The following BZW2 variants were observed in gnomAD, a reference collection of about 807,000 sequenced individuals.
The protein encoded by BZW2 is eIF5-mimic protein 1.
BZW2 carries 23 observed loss-of-function variants against 53.2 expected under a neutral mutation model. That is an observed-to-expected ratio of 0.43 (90% CI 0.31 to 0.61). The LOEUF is 0.61. BZW2 is among the 20% of genes least tolerant of loss of function. The pLI is 0.09. For synonymous variants in BZW2, 227 were observed against 186.4 expected (o/e 1.22, Z -1.77); for missense variants, 409 against 503.1 (o/e 0.81, Z 1.79).
In BZW2 at chr7:16,650,805, A is replaced by C. The variant is rs532885439; in HGVS notation, c.-8+4517A>C. On this transcript the variant is annotated intron_variant, in intron 1 of 11. Transcript: ENST00000258761. ...GTATCTTTTGGGCAGTTAGGTGCCGAGTGGAATGATTTGCCCCGTTCTAAA... is the reference window on the plus strand; with the variant it reads ...GTATCTTTTGGGCAGTTAGGTGCCGCGTGGAATGATTTGCCCCGTTCTAAA... Among the ~76,000 whole-genome samples, 42 of 152,280 alleles carry C rather than the reference A, an allele frequency of 2.8e-4. No individual in the cohort carries two copies. The South Asian group carries it at 4.4e-3, about 16-fold the overall frequency.
At chr7:16,695,450 G>T (rs1163992180) in intron 8 of BZW2, among the ~76,000 whole-genome samples, 1 of 152,098 alleles carries the variant, frequency 6.6e-6, no homozygotes, top group Non-Finnish European at 1.5e-5. Context: ...TTTGAAAAAA[G>T]TTTGAATTCC....
At chr7:16,702,532 A>G (rs149150419) in intron 10 of BZW2, among the ~76,000 whole-genome samples, 279 of 152,290 alleles carry the variant, frequency 1.8e-3, no homozygotes, top group Admixed American at 5.3e-3. Context: ...TAAACAATGC[A>G]TTTGATAGGT....
chr7:16,678,174 A>T (rs1181386244), intron 3 of BZW2, among the ~76,000 whole-genome samples: 1 of 145,332 alleles, frequency 6.9e-6, no homozygotes, highest in African/African-American at 2.6e-5. Flanking sequence ...GAATCAGGCA[A>T]TTATCTCGAG....
chr7:16,659,958 G>A lies in BZW2; in HGVS notation c.-7-5479G>A, dbSNP rs535762702. Among the ~76,000 whole-genome samples the A allele has an allele frequency of 7.2e-5, 11 of 151,764 alleles. No individual in the cohort carries two copies. In the East Asian group the frequency reaches 1.9e-3, roughly 27 times the overall value. On this transcript the variant is annotated intron_variant, in intron 1 of 11. Coordinates refer to ENST00000258761, the MANE Select transcript of BZW2 (RefSeq NM_014038.3). ...GTTGGTGTGCTGCACCCATTAACTC[G>A]TCATTAACATTAGGTATATCTCCCA...
chr7:16,686,054 T>C lies in BZW2; in HGVS notation c.541+14T>C, dbSNP rs202031774. 20 of 1,611,714 alleles carry C rather than the reference T, an allele frequency of 1.2e-5. No homozygotes were observed. In the African/African-American group the frequency reaches 2.5e-4, roughly 20 times the overall value. On this transcript the variant is annotated intron_variant, in intron 6 of 11. Coordinates refer to ENST00000258761, the MANE Select transcript of BZW2 (RefSeq NM_014038.3). ...TAGTCAAAGAAGGTAACGAGGCTCCTGTTTTCTCGCCTGTCAGACAACAAA... is the reference window on the plus strand; with the variant it reads ...TAGTCAAAGAAGGTAACGAGGCTCCCGTTTTCTCGCCTGTCAGACAACAAA...
intron 10 of BZW2, among the ~76,000 whole-genome samples, chr7:16,701,808 G>T (rs1260105949): frequency 6.6e-6 from 1 of 152,140 alleles, no homozygotes; most frequent in Non-Finnish European, 1.5e-5. Flanking sequence ...TATAGTCCCT[G>T]ACTTCCTGAA....
intron 1 of BZW2, among the ~76,000 whole-genome samples, chr7:16,658,869 C>T (rs974001982): frequency 3.4e-5 from 5 of 148,820 alleles, no homozygotes; most frequent in East Asian, 2.0e-4. Context: ...AGCAAGAATC[C>T]GTCTCAGAAA....
intron 6 of BZW2, chr7:16,686,869 G>A (rs1327384616): frequency 1.3e-5 from 2 of 152,066 alleles, no homozygotes; most frequent in Non-Finnish European, 2.9e-5. Context: ...CTAGTTTTTA[G>A]CTTAAAATCA....
chr7:16,663,973 G>A (rs10254919), intron 1 of BZW2, among the ~76,000 whole-genome samples: 7,394 of 152,080 alleles, frequency 0.049, 441 homozygotes, highest in East Asian at 0.21. Context: ...AAACCAAAAA[G>A]ATAAAAAATC....
At chr7:16,688,351 C>T (rs1783196682) in intron 6 of BZW2, among the ~76,000 whole-genome samples, 1 of 152,318 alleles carries the variant, frequency 6.6e-6, no homozygotes, top group East Asian at 1.9e-4. Context: ...CATATTCTTC[C>T]TGGTTCAGGT....
At chr7:16,655,666 C>A (rs1354437886) in intron 1 of BZW2, among the ~76,000 whole-genome samples, 1 of 152,138 alleles carries the variant, frequency 6.6e-6, no homozygotes, top group African/African-American at 2.4e-5. Context: ...CTTTCCCCAT[C>A]CCCACCTCAC....
intron 8 of BZW2, chr7:16,696,024 C>T (rs1200749840): frequency 6.6e-6 from 1 of 152,176 alleles, no homozygotes; most frequent in Non-Finnish European, 1.5e-5. Flanking sequence ...AGCACAGGGA[C>T]TGGGACTGCC....
At chr7:16,677,509 C>T (rs1053166665) in intron 3 of BZW2, among the ~76,000 whole-genome samples, 6 of 152,112 alleles carry the variant, frequency 3.9e-5, no homozygotes, top group South Asian at 4.1e-4. Context: ...GAGATTTCCT[C>T]GGGAGGGGTG....
In BZW2 at chr7:16,656,563, A is replaced by G. The variant is rs899720221; in HGVS notation, c.-7-8874A>G. 6.0e-3 allele frequency among the ~76,000 whole-genome samples: 825 copies of G among 136,622 alleles called. 6 individuals carry two copies. Among genetic ancestry groups the G allele is most frequent in the African/African-American group, 0.023 (747 of 33,196 alleles). The allele number at this position is 136,622 out of a possible 152,430, so 89.6% of individuals were successfully genotyped here. A position where few individuals can be genotyped will look rare whatever the true frequency, so the allele number is the denominator to read the frequency against. On this transcript the variant is annotated intron_variant, in intron 1 of 11. Transcript: ENST00000258761. Reference sequence around the variant, plus strand: ...CTCCCCAGCGCGCGCGCGCACACACACACACACACACACACACACACACAC... The same window carrying G: ...CTCCCCAGCGCGCGCGCGCACACACGCACACACACACACACACACACACAC...
chr7:16,681,156 CA>C, intron 3 of BZW2, 144 bp from the exon 4 acceptor site: 1 of 674,402 alleles, frequency 1.5e-6, no homozygotes, highest in South Asian at 1.9e-5. Context: ...TCTATACATA[CA>C]TGTCATTCTT....
intron 2 of BZW2, among the ~76,000 whole-genome samples, chr7:16,670,343 C>A (rs957697047): frequency 2.0e-5 from 3 of 152,150 alleles, no homozygotes; most frequent in African/African-American, 7.2e-5. Flanking sequence ...AAACAAAGTC[C>A]TCTGCATTGA....
chr7:16,667,292 AC>A (rs371667545), intron 2 of BZW2, among the ~76,000 whole-genome samples: 6 of 148,796 alleles, frequency 4.0e-5, no homozygotes, highest in Admixed American at 6.6e-5. Flanking sequence ...AAAAAAAAAA[AC>A]AAAAAAAAAA....
chr7:16,696,004 T>G (rs1168802069), intron 8 of BZW2: 1 of 152,216 alleles, frequency 6.6e-6, no homozygotes, highest in Non-Finnish European at 1.5e-5. Flanking sequence ...TTATGTGGCT[T>G]CCTCCAGCCA....
intron 6 of BZW2, among the ~76,000 whole-genome samples, chr7:16,688,030 TG>T (rs1482103280): frequency 6.6e-6 from 1 of 151,952 alleles, no homozygotes; most frequent in Non-Finnish European, 1.5e-5. Context: ...TAGCCGTTTT[TG>T]TTTTTTTTTT....
Sources: allele counts gnomAD v4.1 joint callset (sites outside exome capture counted in the v4.1 genomes callset), GRCh38; gene constraint gnomAD v4.1.1; transcripts MANE v1.5; gene names NCBI Gene and HGNC (gene_info 2026-07-23, HGNC 2026-07-21).